CNGA3: variants seen among roughly 807,000 people sequenced by gnomAD.
CNGA3 encodes cyclic nucleotide gated channel subunit alpha 3, also known as cyclic nucleotide-gated channel alpha-3.
A neutral mutation model predicts 46.6 loss-of-function variants in CNGA3; 42 were observed. The ratio of observed to expected loss-of-function variants is 0.90; its 90% CI spans 0.70 to 1.17. The LOEUF (loss-of-function observed/expected upper bound fraction) is 1.17, where lower values mean the gene tolerates loss of function less well. Ranked by LOEUF, CNGA3 falls within the 50% of genes most tolerant of loss-of-function variation. CNGA3 has a pLI of 0.00. For synonymous variants in CNGA3, 394 were observed against 369.4 expected (o/e 1.07, Z -0.76); for missense variants, 893 against 890.7 (o/e 1.00, Z -0.03).
chr2:98,381,533 G>A (rs1036400561), intron 4 of CNGA3, among the ~76,000 whole-genome samples: 3 of 151,870 alleles, frequency 2.0e-5, no homozygotes, highest in Non-Finnish European at 2.9e-5. Context: ...AGTGGCAGTG[G>A]GTATTTGTAT....
chr2:98,353,004 A>G (rs1323441425), intron 1 of CNGA3, among the ~76,000 whole-genome samples: 3 of 152,230 alleles, frequency 2.0e-5, no homozygotes, highest in Admixed American at 2.0e-4. Context: ...ATTTACTAAT[A>G]GGCTTCTGTT....
chr2:98,356,957 T>C lies in CNGA3; in HGVS notation c.-38+10423T>C, dbSNP rs141646098. ...ACAATCATTGTGAGGATCAAATGAG[T>C]AAATATGCACTTAAAGTTATTAGAA... On this transcript the variant is annotated intron_variant, in intron 1 of 7. Transcript: ENST00000272602. Among the ~76,000 whole-genome samples the C allele has an allele frequency of 7.2e-3, 1,093 of 152,246 alleles. 8 individuals carry two copies. The highest frequency in any genetic ancestry group is 0.025 in the African/African-American group (1,026 of 41,542).
chr2:98,387,529 TA>T (rs1290041075), intron 5 of CNGA3, among the ~76,000 whole-genome samples: 1 of 152,224 alleles, frequency 6.6e-6, no homozygotes, highest in Non-Finnish European at 1.5e-5. Flanking sequence ...GATAACTTTA[TA>T]AGAGTTCCTA....
chr2:98,365,511 G>A (rs1054608977), intron 1 of CNGA3, among the ~76,000 whole-genome samples: 2 of 152,098 alleles, frequency 1.3e-5, no homozygotes, highest in African/African-American at 4.8e-5. Flanking sequence ...TTCCAACTTG[G>A]TTCCATTCTA....
At chr2:98,374,122 T>C (rs1461626972) in intron 2 of CNGA3, among the ~76,000 whole-genome samples, 1 of 152,202 alleles carries the variant, frequency 6.6e-6, no homozygotes, top group African/African-American at 2.4e-5. Flanking sequence ...CAAAACTATC[T>C]TGCTGGAAAA....
chr2:98,366,874 T>C (rs1428088786), intron 1 of CNGA3, among the ~76,000 whole-genome samples: 2 of 152,204 alleles, frequency 1.3e-5, no homozygotes, highest in Admixed American at 6.5e-5. Flanking sequence ...CCCAAGGCCC[T>C]GGTGGTGTGG....
chr2:98,392,599 A>AAAAG (rs1558818443), intron 7 of CNGA3, among the ~76,000 whole-genome samples: 3,368 of 151,424 alleles, frequency 0.022, 114 homozygotes, highest in African/African-American at 0.078. Context: ...GAAAAGAAAA[A>AAAAG]AAAAGAAAAG....
chr2:98,391,387 C>T lies in CNGA3; in HGVS notation c.567-477C>T, dbSNP rs3754894. 2.0e-4 allele frequency among the ~76,000 whole-genome samples: 31 copies of T among 152,186 alleles called. No individual in the cohort carries two copies. In the East Asian group the frequency reaches 5.4e-3, roughly 27 times the overall value. ...GGCGGCAGGGGCAGGCTGCTGTGCC[C>T]GTGAGGATAGGAGGAGAGCTGGGGG... On this transcript the variant is annotated intron_variant, in intron 6 of 7. Coordinates refer to ENST00000272602, the MANE Select transcript of CNGA3 (RefSeq NM_001298.3).
chr2:98,362,172 AC>A, intron 1 of CNGA3, among the ~76,000 whole-genome samples: 1 of 99,726 alleles, frequency 1.0e-5, no homozygotes, highest in East Asian at 2.4e-4. Context: ...TCCTTTGCCC[AC>A]TTTTTTTTTT....
At chr2:98,364,120 G>A (rs1032770249) in intron 1 of CNGA3, among the ~76,000 whole-genome samples, 1 of 152,150 alleles carries the variant, frequency 6.6e-6, no homozygotes, top group Non-Finnish European at 1.5e-5. Context: ...GCTCATGCCT[G>A]TAATCCCAGC....
chr2:98,375,735 C>T (rs965998166), intron 2 of CNGA3, among the ~76,000 whole-genome samples: 2 of 152,250 alleles, frequency 1.3e-5, no homozygotes, highest in Non-Finnish European at 2.9e-5. Context: ...GGGCTCAGTC[C>T]TCAGCCATCC....
rs1471848624 is a variant in CNGA3 at position 98,397,111 on chromosome 2, C to T, written c.1941C>T (p.Leu647=). 6.2e-7 allele frequency: 1 copy of T among 1,614,150 alleles called. No homozygotes were observed. The highest frequency in any genetic ancestry group is 8.5e-7 in the Non-Finnish European group (1 of 1,180,026). The change falls in exon 8 of 8, where the codon CTC becomes CTT. Residue 647 remains leucine (L), a synonymous_variant. Transcript: ENST00000272602. ...CCCTGCAGACCAGGTTTGCACGCCT[C>T]CTGGCTGAGTACAACGCCACCCAGA... The part of the protein sequence containing the change: ...LDTLQTRFAR[L]LAEYNATQMK...
chr2:98,378,354 T>C (rs960399969), intron 3 of CNGA3: 2 of 984,696 alleles, frequency 2.0e-6, no homozygotes, highest in Non-Finnish European at 2.9e-6. Context: ...TTTTCAAATC[T>C]CATCTAGAAA....
chr2:98,395,460 G>A (rs1026784640), intron 7 of CNGA3, among the ~76,000 whole-genome samples: 1 of 152,150 alleles, frequency 6.6e-6, no homozygotes, highest in African/African-American at 2.4e-5. Flanking sequence ...ATGAGCCACG[G>A]CACCCGGCCC....
In CNGA3 at chr2:98,396,767, G is replaced by A. The variant is rs775332304; in HGVS notation, c.1597G>A (p.Asp533Asn). 1.2e-6 allele frequency: 2 copies of A among 1,614,232 alleles called. No homozygotes were observed. The highest frequency in any genetic ancestry group is 1.7e-6 in the Non-Finnish European group (2 of 1,180,048). Reference protein sequence around the residue: ...NEGKLAVVADDGVTQFVVLSD... With the variant: ...NEGKLAVVADNGVTQFVVLSD... ...GGGCAAGCTGGCCGTGGTGGCTGAT[G>A]ATGGGGTCACCCAGTTCGTGGTCCT... Residue 533 changes from aspartate (D) to asparagine (N), a missense_variant, in exon 8 of 8, where the codon GAT becomes AAT. Asp to Asn is a conservative substitution (Grantham distance 23). Coordinates refer to ENST00000272602, the MANE Select transcript of CNGA3 (RefSeq NM_001298.3).
At chr2:98,378,038 A>T (rs1238754527) in intron 3 of CNGA3, 1 of 1,548,074 alleles carries the variant, frequency 6.5e-7, no homozygotes, top group Admixed American at 2.0e-5. Context: ...ATAAAAGCTG[A>T]CATTGAGGTA....
intron 1 of CNGA3, among the ~76,000 whole-genome samples, chr2:98,352,620 C>A (rs544518942): frequency 6.6e-6 from 1 of 152,084 alleles, no homozygotes; most frequent in Non-Finnish European, 1.5e-5. Flanking sequence ...TGTCTGTGAG[C>A]GAGTTTCCAG....
intron 5 of CNGA3, among the ~76,000 whole-genome samples, chr2:98,383,987 C>T (rs919821832): frequency 2.6e-5 from 4 of 152,212 alleles, no homozygotes; most frequent in East Asian, 1.9e-4. Flanking sequence ...CCCGGGTTCA[C>T]GCCATTCTCC....
In CNGA3 at chr2:98,379,971, G is replaced by A; in HGVS notation, c.216-204G>A. 1.9e-5 allele frequency: 12 copies of A among 628,844 alleles called. No homozygotes were observed. The South Asian group carries it at 2.1e-4, about 11-fold the overall frequency. 39.0% of individuals were successfully genotyped at this position (628,844 alleles called of 1,614,324 possible). ...CTGACTGCAGGGTGGAGGGAGAAGG[G>A]GATAAACGGTCCCCATGGGGCAGAG... On this transcript the variant is annotated intron_variant, in intron 3 of 7. Coordinates refer to ENST00000272602, the MANE Select transcript of CNGA3 (RefSeq NM_001298.3).
Sources: gnomAD v4.1 joint callset for allele counts (sites outside exome capture counted in the v4.1 genomes callset) on GRCh38, gnomAD v4.1.1 for gene constraint, MANE v1.5 for transcripts, NCBI Gene and HGNC (gene_info 2026-07-23, HGNC 2026-07-21) for gene names.